Variants in PRKCE observed in about 807,000 individuals in gnomAD.
PRKCE encodes the protein protein kinase C epsilon, also known as protein kinase C epsilon type.
A neutral mutation model predicts 85.4 loss-of-function variants in PRKCE; 16 were observed. The ratio of observed to expected loss-of-function variants is 0.19; its 90% CI spans 0.13 to 0.28. The LOEUF (loss-of-function observed/expected upper bound fraction) is 0.28. Among genes scored for constraint, PRKCE ranks in the 10% least tolerant of loss-of-function variants. PRKCE has a pLI of 1.00. For missense variants in PRKCE, 573 were observed against 975.2 expected (o/e 0.59, Z 5.49); for synonymous variants, 388 against 371.5 (o/e 1.04, Z -0.51).
intron 10 of PRKCE, among the ~76,000 whole-genome samples, chr2:46,069,878 T>TTCCCTATTCACCTATTC (rs1667930932): frequency 1.3e-5 from 2 of 152,330 alleles, no homozygotes; most frequent in South Asian, 4.2e-4. Context: ...TATTCCCTTA[T>TTCCCTATTCACCTATTC]TTCCTAAGCT....
intron 11 of PRKCE, among the ~76,000 whole-genome samples, chr2:46,120,440 G>A (rs111602985): frequency 2.0e-5 from 3 of 152,272 alleles, no homozygotes; most frequent in African/African-American, 7.2e-5. Flanking sequence ...AGCCTAACAT[G>A]TCAGTAGTGC....
chr2:45,770,868 T>C (rs201737880), intron 1 of PRKCE: 2 of 2,784 alleles, frequency 7.2e-4, no homozygotes, highest in African/African-American at 7.7e-4. Context: ...AAACAAGGGC[T>C]TTTTTTTTTT....
At chr2:45,723,750 G>A (rs1473371956) in intron 1 of PRKCE, among the ~76,000 whole-genome samples, 1 of 151,938 alleles carries the variant, frequency 6.6e-6, no homozygotes, top group Non-Finnish European at 1.5e-5. Flanking sequence ...GATTATGGGC[G>A]CCCACCACCA....
At position 46,085,747 on chromosome 2, in the gene PRKCE, TTGTTTTTG is replaced by T. The variant is rs769266489; in HGVS notation, c.1438-459_1438-452del. On this transcript the variant is annotated intron_variant, in intron 10 of 14. Coordinates refer to ENST00000306156, the MANE Select transcript of PRKCE (RefSeq NM_005400.3). The stretch of plus-strand genomic sequence containing the variant: ...CATCTGCAAAATCCGTTTTTTTTTT[TTGTTTTTG>T]TTTTTTTTTTTTTTTTTAGCCATAT... 2.4e-3 allele frequency among the ~76,000 whole-genome samples: 29 copies of T among 12,296 alleles called. 5 individuals carry two copies. The highest frequency in any genetic ancestry group is 4.7e-3 in the Admixed American group (4 of 850). The allele number at this position is 12,296 out of a possible 152,430, so 8.1% of individuals were successfully genotyped here.
At position 46,145,219 on chromosome 2, in the gene PRKCE, C is replaced by T; in HGVS notation, c.1719C>T (p.Tyr573=). ...TTTTFCGTPD[Y]IAPEILQELE... Reference sequence around the variant, plus strand: ...CCACGTTCTGTGGGACTCCTGACTACATAGCTCCTGAGGTAAGACCTGTGT... The same window carrying T: ...CCACGTTCTGTGGGACTCCTGACTATATAGCTCCTGAGGTAAGACCTGTGT... Residue 573 remains tyrosine (Y), a synonymous_variant, in exon 12 of 15, where the codon TAC becomes TAT. Transcript: ENST00000306156. The surrounding 1 kb of genome is among the most constrained non-coding windows in gnomAD (Gnocchi z 4.6). 3.1e-6 allele frequency: 5 copies of T among 1,599,708 alleles called. No homozygotes were observed. The highest frequency in any genetic ancestry group is 4.2e-6 in the Non-Finnish European group (5 of 1,179,946).
chr2:46,076,174 T>G (rs1051809912), intron 10 of PRKCE, among the ~76,000 whole-genome samples: 9 of 152,230 alleles, frequency 5.9e-5, no homozygotes, highest in African/African-American at 1.9e-4. Flanking sequence ...AAGAGGAAAC[T>G]AACAACACAC....
chr2:45,819,814 A>G (rs1454843506), intron 1 of PRKCE, among the ~76,000 whole-genome samples: 2 of 152,340 alleles, frequency 1.3e-5, no homozygotes, highest in East Asian at 3.9e-4. Context: ...TTTCATATAA[A>G]GCTTCAGACA....
At chr2:45,702,034 C>T (rs1275696777) in intron 1 of PRKCE, among the ~76,000 whole-genome samples, 1 of 152,028 alleles carries the variant, frequency 6.6e-6, no homozygotes, top group Non-Finnish European at 1.5e-5. Context: ...ACTCAAAATA[C>T]AAAAATTAGC....
At chr2:45,952,879 T>C (rs1407835455) in intron 2 of PRKCE, among the ~76,000 whole-genome samples, 1 of 152,176 alleles carries the variant, frequency 6.6e-6, no homozygotes. Context: ...AACGAGCTTA[T>C]AAATTAACAG....
chr2:46,180,311 G>A (rs1679843417), intron 14 of PRKCE, among the ~76,000 whole-genome samples: 1 of 152,194 alleles, frequency 6.6e-6, no homozygotes, highest in South Asian at 2.1e-4. Flanking sequence ...GCAAGAGAAA[G>A]CAGGAGGAAG....
At chr2:45,909,264 C>T (rs1380155967) in intron 2 of PRKCE, among the ~76,000 whole-genome samples, 4 of 152,166 alleles carry the variant, frequency 2.6e-5, no homozygotes, top group Non-Finnish European at 4.4e-5. Flanking sequence ...AGATTATTGT[C>T]CCCAAGAAAG....
rs1703603505 is a variant in PRKCE, at chr2:45,989,271, C to G, written c.823+4591C>G. 2.0e-5 allele frequency among the ~76,000 whole-genome samples: 3 copies of G among 152,238 alleles called. 1 individual carries two copies. The South Asian group carries it at 6.2e-4, about 32-fold the overall frequency. On this transcript the variant is annotated intron_variant, in intron 6 of 14. Transcript: ENST00000306156. The stretch of plus-strand genomic sequence containing the variant: ...CCTGGCCTGGAGATTCCTAAAGAAT[C>G]TTCTTCCTCGCTCCTGCCTCTCTCT...
At chr2:45,810,049 A>AG (rs1688543343) in intron 1 of PRKCE, among the ~76,000 whole-genome samples, 1 of 95,382 alleles carries the variant, frequency 1.0e-5, no homozygotes, top group Admixed American at 1.1e-4. Flanking sequence ...TTAAAGGATA[A>AG]CTTTTTTTGA....
At chr2:45,940,702 C>T (rs1230787575) in intron 2 of PRKCE, among the ~76,000 whole-genome samples, 1 of 149,626 alleles carries the variant, frequency 6.7e-6, no homozygotes, top group East Asian at 1.9e-4. Context: ...GCTTTCACTC[C>T]CACACATGCT....
At chr2:45,676,778 T>C (rs1053976464) in intron 1 of PRKCE, 12 of 152,214 alleles carry the variant, frequency 7.9e-5, no homozygotes, top group African/African-American at 2.9e-4. Flanking sequence ...GTATCAAGTG[T>C]CTCCATTCTT....
chr2:46,054,250 T>C (rs1336969184), intron 10 of PRKCE, among the ~76,000 whole-genome samples: 1 of 152,238 alleles, frequency 6.6e-6, no homozygotes, highest in African/African-American at 2.4e-5. Context: ...TTTTGTCACT[T>C]GCAGCTAGTG....
chr2:45,702,167 T>A (rs1332330009), intron 1 of PRKCE, among the ~76,000 whole-genome samples: 1 of 152,036 alleles, frequency 6.6e-6, no homozygotes, highest in East Asian at 1.9e-4. Flanking sequence ...CCAGCCTGGG[T>A]GACAGAGCGA....
At chr2:46,064,795 G>T (rs149313781) in intron 10 of PRKCE, among the ~76,000 whole-genome samples, 2 of 152,192 alleles carry the variant, frequency 1.3e-5, no homozygotes, top group Admixed American at 6.5e-5. Context: ...CTTTCTGGGG[G>T]ATTCTTAGTC....
chr2:46,030,177 A>G (rs891984086), intron 10 of PRKCE, among the ~76,000 whole-genome samples: 5 of 152,208 alleles, frequency 3.3e-5, no homozygotes, highest in African/African-American at 9.6e-5. Context: ...AACATGGACA[A>G]TATTCTAGGC....
Sources: allele counts gnomAD v4.1 joint callset (sites outside exome capture counted in the v4.1 genomes callset), GRCh38; gene constraint gnomAD v4.1.1; non-coding constraint Gnocchi (gnomAD v3.1); transcripts MANE v1.5; gene names NCBI Gene and HGNC (gene_info 2026-07-23, HGNC 2026-07-21).